The following PELI2 variants were observed in gnomAD, a reference collection of about 807,000 sequenced individuals.
PELI2 encodes the protein E3 ubiquitin-protein ligase pellino homolog 2.
A neutral mutation model predicts 42.3 loss-of-function variants in PELI2; 23 were observed. That is an observed-to-expected ratio of 0.54 (90% CI 0.39 to 0.77). The LOEUF is 0.77. Ranked by LOEUF, PELI2 falls within the 30% of genes least tolerant of loss-of-function variation. The probability of loss-of-function intolerance (pLI) is 0.00; values close to 1 mark genes in which losing one functional copy is unlikely to be tolerated. For missense variants in PELI2, 463 were observed against 553.2 expected, an observed-to-expected ratio of 0.84 and a Z score of 1.64; for synonymous variants, 245 against 212.2, an observed-to-expected ratio of 1.15 and a Z score of -1.34.
At chr14:56,225,159 C>T (rs1294267230) in intron 2 of PELI2, among the ~76,000 whole-genome samples, 3 of 152,164 alleles carry the variant, frequency 2.0e-5, no homozygotes, top group African/African-American at 7.2e-5. Context: ...AGGTCTGACC[C>T]TGGTAAACAG....
At chr14:56,159,840 T>G (rs1270737606) in intron 1 of PELI2, among the ~76,000 whole-genome samples, 1 of 152,146 alleles carries the variant, frequency 6.6e-6, no homozygotes, top group South Asian at 2.1e-4. Flanking sequence ...TGAAAAGTGC[T>G]CTGCTGTTGA....
intron 2 of PELI2, among the ~76,000 whole-genome samples, chr14:56,234,154 G>A (rs1887694083): frequency 6.6e-6 from 1 of 152,190 alleles, no homozygotes; most frequent in Non-Finnish European, 1.5e-5. Context: ...CTGTTGGTGG[G>A]ACTGTAAACT....
chr14:56,124,764 A>G (rs1883189682), intron 1 of PELI2, among the ~76,000 whole-genome samples: 1 of 152,202 alleles, frequency 6.6e-6, no homozygotes, highest in South Asian at 2.1e-4. Context: ...GATGACCACG[A>G]TGGAGATAAG....
chr14:56,166,928 C>T (rs536643472), intron 1 of PELI2, among the ~76,000 whole-genome samples: 134 of 152,298 alleles, frequency 8.8e-4, no homozygotes, highest in African/African-American at 3.2e-3. Flanking sequence ...GCTAGGACTA[C>T]AGGCGCCTGC....
chr14:56,159,995 C>A (rs1884700045), intron 1 of PELI2, among the ~76,000 whole-genome samples: 1 of 150,476 alleles, frequency 6.6e-6, no homozygotes, highest in Non-Finnish European at 1.5e-5. Flanking sequence ...TAGTTCTTTT[C>A]ATAAACAGTT....
At chr14:56,222,706 C>T (rs1887188200) in intron 2 of PELI2, among the ~76,000 whole-genome samples, 1 of 152,216 alleles carries the variant, frequency 6.6e-6, no homozygotes, top group Non-Finnish European at 1.5e-5. Context: ...CCTCTCTGGG[C>T]AGACACTGCA....
chr14:56,156,096 A>G (rs1439285509), intron 1 of PELI2, among the ~76,000 whole-genome samples: 1 of 152,194 alleles, frequency 6.6e-6, no homozygotes, highest in Non-Finnish European at 1.5e-5. Flanking sequence ...ATTACGTGAA[A>G]TAAATATTGT....
chr14:56,251,984 G>T (rs1304382934), intron 2 of PELI2, among the ~76,000 whole-genome samples: 2 of 152,150 alleles, frequency 1.3e-5, no homozygotes, highest in Admixed American at 1.3e-4. Context: ...TATGATGTAG[G>T]ACTTTGAGAA....
intron 2 of PELI2, among the ~76,000 whole-genome samples, chr14:56,251,505 G>A (rs1159574047): frequency 6.6e-6 from 1 of 152,154 alleles, no homozygotes; most frequent in African/African-American, 2.4e-5. Context: ...TTTGATCCTT[G>A]CAGCAGTTCG....
At chr14:56,292,530 C>G (rs1889864525) in intron 5 of PELI2, among the ~76,000 whole-genome samples, 1 of 152,134 alleles carries the variant, frequency 6.6e-6, no homozygotes, top group Admixed American at 6.5e-5. Context: ...CATTTGCAGT[C>G]TAATACAGAA....
chr14:56,254,954 T>TA (rs1366032937), intron 2 of PELI2, among the ~76,000 whole-genome samples: 1 of 152,168 alleles, frequency 6.6e-6, no homozygotes, highest in African/African-American at 2.4e-5. Flanking sequence ...TCACACCAGT[T>TA]AGAGTGGCGA....
chr14:56,179,145 A>C (rs1386526633), intron 2 of PELI2, among the ~76,000 whole-genome samples: 1 of 152,188 alleles, frequency 6.6e-6, no homozygotes, highest in African/African-American at 2.4e-5. Flanking sequence ...TCCAATTGAT[A>C]TATGTTACAT....
chr14:56,293,582 T>C (rs561441846), intron 5 of PELI2, among the ~76,000 whole-genome samples: 2 of 152,330 alleles, frequency 1.3e-5, no homozygotes. Flanking sequence ...CTGGTTGTTA[T>C]TACTAAGCAG....
intron 4 of PELI2, 96 bp from the exon 5 acceptor site, chr14:56,290,172 C>A: frequency 2.2e-6 from 2 of 910,406 alleles, no homozygotes; most frequent in Non-Finnish European, 3.3e-6. Context: ...CCTTCCTCCC[C>A]TCTGCCTCTA....
Position 56,292,199 on chromosome 14 carries a change from G to T in PELI2, c.696+1743G>T, listed in dbSNP as rs532798348. Among the ~76,000 whole-genome samples, 8 of 152,282 alleles carry T rather than the reference G, an allele frequency of 5.3e-5. No individual in the cohort carries two copies. In the East Asian group the frequency reaches 1.3e-3, roughly 26 times the overall value. ...AATATACAGGCTATTTTTGAAGTTAGTCCCTATAAGCGACACTGAGAACTA... is the reference window on the plus strand; with the variant it reads ...AATATACAGGCTATTTTTGAAGTTATTCCCTATAAGCGACACTGAGAACTA... On this transcript the variant is annotated intron_variant, in intron 5 of 5. Transcript: ENST00000267460.
chr14:56,118,609 CGCGGCGGAG>C lies in PELI2; in HGVS notation c.-44_-36del, dbSNP rs572693468. 1.4e-3 allele frequency: 1,640 copies of C among 1,183,966 alleles called. 23 individuals are homozygous for C. The African/African-American group carries it at 0.024, about 18-fold the overall frequency. The allele number at this position is 1,183,966 out of a possible 1,614,324, so 73.3% of individuals were successfully genotyped here. A position where few individuals can be genotyped will look rare whatever the true frequency, so the allele number is the denominator to read the frequency against. On this transcript the variant is annotated 5_prime_UTR_variant, in exon 1 of 6. Coordinates refer to ENST00000267460, the MANE Select transcript of PELI2 (RefSeq NM_021255.3). ...GCGGCGGCGCGGACTCGGCGGGGATCGCGGCGGAGGCGGCGGCGTCGGCGGCGGCGTCGG... is the reference window on the plus strand; with the variant it reads ...GCGGCGGCGCGGACTCGGCGGGGATCGCGGCGGCGTCGGCGGCGGCGTCGG...
At position 56,118,640 on chromosome 14, in the gene PELI2, T is replaced by A; in HGVS notation, c.-21T>A. 1 of 1,363,214 alleles carries A rather than the reference T, an allele frequency of 7.3e-7. No individual in the cohort carries two copies. The allele number at this position is 1,363,214 out of a possible 1,614,324, so 84.4% of individuals were successfully genotyped here. On this transcript the variant is annotated 5_prime_UTR_variant, in exon 1 of 6. Transcript: ENST00000267460. ...GGAGGCGGCGGCGTCGGCGGCGGCGTCGGCGGCCGAGCGGGGCTCCATGTT... is the reference window on the plus strand; with the variant it reads ...GGAGGCGGCGGCGTCGGCGGCGGCGACGGCGGCCGAGCGGGGCTCCATGTT...
chr14:56,258,635 G>T (rs1402788319), intron 2 of PELI2, among the ~76,000 whole-genome samples: 1 of 150,338 alleles, frequency 6.7e-6, no homozygotes, highest in Non-Finnish European at 1.5e-5. Flanking sequence ...AAGAAGAAAA[G>T]ATCAGTGAAC....
Position 56,297,051 on chromosome 14 carries a change from A to G in PELI2, c.1148A>G (p.Gln383Arg), listed in dbSNP as rs1325992722. The change falls in exon 6 of 6, where the codon CAG becomes CGG. Residue 383 changes from glutamine (Q) to arginine (R), a missense_variant. This residue lies in a region of PELI2 where 103 missense variants were observed against 129.6 expected (regional missense o/e 0.80). Transcript: ENST00000267460. ...CSEKSAKYWSQIPLPHGTHAF... is the reference protein window; with the variant it reads ...CSEKSAKYWSRIPLPHGTHAF... Reference sequence around the variant, plus strand: ...GAGAAGTCTGCAAAATACTGGTCTCAGATCCCGTTGCCTCATGGAACTCAT... The same window carrying G: ...GAGAAGTCTGCAAAATACTGGTCTCGGATCCCGTTGCCTCATGGAACTCAT... 6.2e-7 allele frequency: 1 copy of G among 1,613,534 alleles called. No individual in the cohort carries two copies. Among genetic ancestry groups the G allele is most frequent in the Non-Finnish European group, 8.5e-7 (1 of 1,179,990 alleles).
Sources: allele counts gnomAD v4.1 joint callset (sites outside exome capture counted in the v4.1 genomes callset), GRCh38; gene constraint gnomAD v4.1.1; regional missense constraint gnomAD v4.1.1; transcripts MANE v1.5; gene names NCBI Gene and HGNC (gene_info 2026-07-23, HGNC 2026-07-21).